The following DYM variants were observed in gnomAD, a reference collection of about 807,000 sequenced individuals.
DYM encodes the protein dyggve-Melchior-Clausen syndrome protein.
A neutral mutation model predicts 93.1 loss-of-function variants in DYM; 78 were observed. The ratio of observed to expected loss-of-function variants is 0.84; its 90% CI spans 0.70 to 1.01. The LOEUF (loss-of-function observed/expected upper bound fraction) is 1.01. Among genes scored for constraint, DYM ranks in the 50% least tolerant of loss-of-function variants. The pLI is 0.00. For missense variants in DYM, 789 were observed against 845.0 expected (o/e 0.93, Z 0.82); for synonymous variants, 321 against 319.7 (o/e 1.00, Z -0.04).
chr18:49,143,064 C>T (rs2084705045), intron 15 of DYM, among the ~76,000 whole-genome samples: 1 of 152,200 alleles, frequency 6.6e-6, no homozygotes, highest in Non-Finnish European at 1.5e-5. Flanking sequence ...ATCATATGAT[C>T]ATACCTATCA....
intron 15 of DYM, among the ~76,000 whole-genome samples, chr18:49,161,287 T>C (rs1207758408): frequency 6.6e-6 from 1 of 152,194 alleles, no homozygotes; most frequent in Non-Finnish European, 1.5e-5. Context: ...TGTCCTATCA[T>C]GGCATAATTA....
At chr18:49,088,920 T>A (rs2078801630) in intron 17 of DYM, among the ~76,000 whole-genome samples, 1 of 152,118 alleles carries the variant, frequency 6.6e-6, no homozygotes, top group Non-Finnish European at 1.5e-5. Flanking sequence ...GCCCCCTGAA[T>A]AGTTGGGACT....
intron 13 of DYM, among the ~76,000 whole-genome samples, chr18:49,228,346 G>T (rs1311238693): frequency 6.6e-6 from 1 of 152,066 alleles, no homozygotes; most frequent in Admixed American, 6.6e-5. Context: ...CCTTCCTTAG[G>T]AGTAAGCAAA....
At chr18:49,084,910 C>T (rs1209736860) in intron 17 of DYM, among the ~76,000 whole-genome samples, 1 of 152,108 alleles carries the variant, frequency 6.6e-6, no homozygotes, top group Non-Finnish European at 1.5e-5. Context: ...TACCCAAAGT[C>T]AGGACAGTTT....
At chr18:49,214,339 G>A (rs1372713265) in intron 13 of DYM, among the ~76,000 whole-genome samples, 1 of 152,150 alleles carries the variant, frequency 6.6e-6, no homozygotes, top group Non-Finnish European at 1.5e-5. Flanking sequence ...ACCCTATTAT[G>A]AACTGCACAT....
chr18:49,430,948 G>A (rs7407441), intron 1 of DYM, among the ~76,000 whole-genome samples: 105,124 of 151,536 alleles, frequency 0.69, 36,591 homozygotes, highest in Admixed American at 0.74. Flanking sequence ...ACAAAAATCC[G>A]AATCTATATT....
chr18:49,243,661 T>C (rs2094089193), intron 13 of DYM, among the ~76,000 whole-genome samples: 5 of 115,664 alleles, frequency 4.3e-5, no homozygotes, highest in African/African-American at 1.2e-4. Context: ...AGCAAGGCTC[T>C]GTCTCAAAAA....
chr18:49,348,736 C>G (rs2064845652), intron 6 of DYM, among the ~76,000 whole-genome samples: 1 of 151,904 alleles, frequency 6.6e-6, no homozygotes, highest in South Asian at 2.1e-4. Context: ...TGGTGAAACC[C>G]CGTCTCTACT....
chr18:49,104,671 T>C (rs2080580258), intron 16 of DYM, among the ~76,000 whole-genome samples: 1 of 152,232 alleles, frequency 6.6e-6, no homozygotes, highest in African/African-American at 2.4e-5. Context: ...GAGATAATCA[T>C]ATGGTTTTTG....
chr18:49,082,361 C>G (rs2078126751), intron 17 of DYM, among the ~76,000 whole-genome samples: 1 of 152,176 alleles, frequency 6.6e-6, no homozygotes, highest in African/African-American at 2.4e-5. Flanking sequence ...ATTATATGTT[C>G]AGACTTTCTA....
chr18:49,366,722 T>C (rs2066548236), intron 5 of DYM, among the ~76,000 whole-genome samples: 1 of 152,250 alleles, frequency 6.6e-6, no homozygotes, highest in Non-Finnish European at 1.5e-5. Context: ...TCTTAGTTTC[T>C]ATAAGATCAT....
At chr18:49,325,598 T>C (rs2062823199) in intron 8 of DYM, among the ~76,000 whole-genome samples, 1 of 152,152 alleles carries the variant, frequency 6.6e-6, no homozygotes, top group South Asian at 2.1e-4. Flanking sequence ...AGCCATACCT[T>C]TATATATAAA....
intron 8 of DYM, among the ~76,000 whole-genome samples, chr18:49,306,166 T>C (rs1047929229): frequency 6.6e-6 from 1 of 152,054 alleles, no homozygotes; most frequent in Non-Finnish European, 1.5e-5. Context: ...ACATGAAGAA[T>C]AGAATAAGAA....
chr18:49,100,561 GTA>G (rs1330645957), intron 16 of DYM, among the ~76,000 whole-genome samples: 3 of 152,110 alleles, frequency 2.0e-5, no homozygotes, highest in Non-Finnish European at 2.9e-5. Context: ...GTTCTCATTT[GTA>G]TGTTTTAAAG....
At chr18:49,409,951 C>A (rs988903999) in intron 2 of DYM, among the ~76,000 whole-genome samples, 10 of 152,170 alleles carry the variant, frequency 6.6e-5, no homozygotes, top group African/African-American at 1.9e-4. Flanking sequence ...CCTAAAGAAA[C>A]GATTTGTGCC....
At chr18:49,416,236 C>A (rs1257456638) in intron 2 of DYM, among the ~76,000 whole-genome samples, 1 of 152,190 alleles carries the variant, frequency 6.6e-6, no homozygotes. Context: ...CCCTATGAAT[C>A]TACATGGTAG....
chr18:49,286,427 C>T lies in DYM; in HGVS notation c.946+7G>A, dbSNP rs150849326. On this transcript the variant is annotated splice_region_variant and intron_variant, in intron 9 of 17. Coordinates refer to ENST00000675505, the MANE Select transcript of DYM (RefSeq NM_001353214.3). ...ACAAAGAATATTAGAGAAAAAATAC[C>T]ACAAACCTTGTGTGTTCTTGAAGGA... The T allele has an allele frequency of 1.4e-4, 223 of 1,613,902 alleles. No homozygotes were observed. The African/African-American group carries it at 2.7e-3, about 20-fold the overall frequency.
At chr18:49,422,300 G>T (rs9948859) in intron 2 of DYM, among the ~76,000 whole-genome samples, 1 of 152,066 alleles carries the variant, frequency 6.6e-6, no homozygotes, top group African/African-American at 2.4e-5. Context: ...GACTAACAGC[G>T]GATCTCTCGG....
At chr18:49,292,010 A>G (rs2060142417) in intron 8 of DYM, among the ~76,000 whole-genome samples, 1 of 152,178 alleles carries the variant, frequency 6.6e-6, no homozygotes. Flanking sequence ...GCAATGAGAA[A>G]CACAATTACA....
Sources: gnomAD v4.1 joint callset for allele counts (sites outside exome capture counted in the v4.1 genomes callset) on GRCh38, gnomAD v4.1.1 for gene constraint, MANE v1.5 for transcripts, NCBI Gene and HGNC (gene_info 2026-07-23, HGNC 2026-07-21) for gene names.